The following LNPK variants were observed in gnomAD, a reference collection of about 807,000 sequenced individuals.
LNPK encodes the protein lunapark, ER junction formation factor.
A neutral mutation model predicts 55.2 loss-of-function variants in LNPK; 29 were observed. The observed-to-expected ratio is 0.53, with a 90% CI of 0.39 to 0.72. The LOEUF (loss-of-function observed/expected upper bound fraction) is 0.72. Among genes scored for constraint, LNPK ranks in the 30% least tolerant of loss-of-function variants. The pLI, the probability that LNPK is intolerant of heterozygous loss-of-function variation, is 0.00. For missense variants in LNPK, 467 were observed against 494.8 expected, an observed-to-expected ratio of 0.94 and a Z score of 0.53; for synonymous variants, 162 against 168.2, an observed-to-expected ratio of 0.96 and a Z score of 0.29.
intron 11 of LNPK, chr2:175,937,884 T>C (rs1684629437): frequency 5.6e-6 from 1 of 179,366 alleles, no homozygotes. Flanking sequence ...CTTGCACATT[T>C]ACCCATGAAA....
intron 8 of LNPK, among the ~76,000 whole-genome samples, chr2:175,959,630 A>G (rs1021874381): frequency 3.9e-5 from 6 of 152,236 alleles, no homozygotes; most frequent in African/African-American, 1.4e-4. Context: ...AAGACTATTG[A>G]TGTTTGGAAG....
chr2:175,964,599 A>C lies in LNPK; in HGVS notation c.358-10T>G. ...CCATGACTTCTTCAAGCTACGAACA[A>C]AAATTTCCATAAATTGTCACACTTC... is the stretch of plus-strand genomic sequence containing the variant. On this transcript the variant is annotated splice_polypyrimidine_tract_variant and intron_variant, in intron 6 of 12. Coordinates refer to ENST00000272748, the MANE Select transcript of LNPK (RefSeq NM_030650.3). 6.6e-7 allele frequency: 1 copy of C among 1,512,826 alleles called. No homozygotes were observed. The highest frequency in any genetic ancestry group is 9.2e-7 in the Non-Finnish European group (1 of 1,090,152). The allele number at this position is 1,512,826 out of a possible 1,614,324, so 93.7% of individuals were successfully genotyped here.
chr2:175,963,700 TAATA>T (rs916333963), intron 8 of LNPK, among the ~76,000 whole-genome samples: 14 of 151,816 alleles, frequency 9.2e-5, no homozygotes, highest in African/African-American at 1.2e-4. Flanking sequence ...ACTTAAAATA[TAATA>T]AATAAATTAA....
intron 4 of LNPK, among the ~76,000 whole-genome samples, chr2:175,984,860 G>A (rs1347755809): frequency 2.0e-5 from 3 of 152,116 alleles, no homozygotes; most frequent in Non-Finnish European, 2.9e-5. Context: ...TGCACTCTTG[G>A]GCATACACCC....
chr2:175,936,316 A>G (rs542022112), intron 12 of LNPK, among the ~76,000 whole-genome samples: 1 of 152,184 alleles, frequency 6.6e-6, no homozygotes, highest in Admixed American at 6.5e-5. Context: ...TTAAAAAAAA[A>G]TATCGATACT....
At chr2:175,948,357 C>G (rs1226720081) in intron 8 of LNPK, among the ~76,000 whole-genome samples, 1 of 152,208 alleles carries the variant, frequency 6.6e-6, no homozygotes, top group Admixed American at 6.5e-5. Context: ...CAAATTCAGG[C>G]TGCCGCCTGC....
chr2:176,001,024 T>C (rs909969238), intron 1 of LNPK, among the ~76,000 whole-genome samples: 3 of 152,196 alleles, frequency 2.0e-5, no homozygotes, highest in African/African-American at 7.2e-5. Flanking sequence ...TCTCCTTTTC[T>C]TGTATTTTCT....
Position 175,932,453 on chromosome 2 carries a change from A to AAATGGG in LNPK, c.1055-2260_1055-2255dup, listed in dbSNP as rs1291209769. 9.5e-4 allele frequency among the ~76,000 whole-genome samples: 145 copies of AAATGGG among 152,294 alleles called. 1 individual carries two copies. The Middle Eastern group carries it at 0.014, about 14-fold the overall frequency. ...TATGTGGAAGACTACAAAATTGGTG[A>AAATGGG]AATGGGTGGAAATTGAAAATAATCA... On this transcript the variant is annotated intron_variant, in intron 12 of 12. Coordinates refer to ENST00000272748, the MANE Select transcript of LNPK (RefSeq NM_030650.3).
intron 8 of LNPK, among the ~76,000 whole-genome samples, chr2:175,949,190 G>T (rs1201757579): frequency 6.6e-6 from 1 of 151,946 alleles, no homozygotes; most frequent in Admixed American, 6.6e-5. Flanking sequence ...TTATATAAAT[G>T]GAACCATCTT....
intron 8 of LNPK, among the ~76,000 whole-genome samples, chr2:175,951,584 CATATATATATATATATAT>C (rs56037027): frequency 2.2e-5 from 2 of 90,732 alleles, no homozygotes; most frequent in African/African-American, 9.2e-5. Context: ...TTCCATCATT[CATATATATATATATATAT>C]ATATATATCT....
intron 5 of LNPK, among the ~76,000 whole-genome samples, chr2:175,977,229 T>C (rs554234628): frequency 6.6e-6 from 1 of 152,298 alleles, no homozygotes; most frequent in East Asian, 1.9e-4. Flanking sequence ...GTGAATAAAA[T>C]CACCTAGAGA....
At position 175,939,056 on chromosome 2, in the gene LNPK, T is replaced by C. The variant is rs112264099; in HGVS notation, c.812+496A>G. ...TATTAATTAGGAGCGCTGTCAAACA[T>C]CTATTATCCGATGAATTTTTTAAAA... On this transcript the variant is annotated intron_variant, in intron 10 of 12. Coordinates refer to ENST00000272748, the MANE Select transcript of LNPK (RefSeq NM_030650.3). 5.5e-3 allele frequency among the ~76,000 whole-genome samples: 844 copies of C among 152,232 alleles called. 7 individuals are homozygous for C. The highest frequency in any genetic ancestry group is 0.019 in the African/African-American group (807 of 41,558).
At chr2:175,968,188 T>G (rs1478330766) in intron 6 of LNPK, among the ~76,000 whole-genome samples, 1 of 152,212 alleles carries the variant, frequency 6.6e-6, no homozygotes, top group Non-Finnish European at 1.5e-5. Flanking sequence ...TGCTCTTGCC[T>G]TCAGCTGACA....
At chr2:175,985,822 C>T (rs189897196) in intron 4 of LNPK, among the ~76,000 whole-genome samples, 43 of 152,276 alleles carry the variant, frequency 2.8e-4, no homozygotes, top group Non-Finnish European at 4.7e-4. Flanking sequence ...AATGTAGTCT[C>T]TCTCGAAAAA....
chr2:175,963,955 TTATTC>T lies in LNPK; in HGVS notation c.493+412_493+416del, dbSNP rs1409597558. Among the ~76,000 whole-genome samples, 27 of 152,154 alleles carry T rather than the reference TTATTC, an allele frequency of 1.8e-4. No individual in the cohort carries two copies. In the East Asian group the frequency reaches 4.6e-3, roughly 26 times the overall value. On this transcript the variant is annotated intron_variant, in intron 8 of 12. Coordinates refer to ENST00000272748, the MANE Select transcript of LNPK (RefSeq NM_030650.3). Reference sequence around the variant, plus strand: ...TCATTTTTCTTATTTCTAAATTATTTTATTCTAAAGTGTTATTTTAGAAAAAACAA... The same window carrying T: ...TCATTTTTCTTATTTCTAAATTATTTTAAAGTGTTATTTTAGAAAAAACAA...
At chr2:175,978,836 C>T (rs1057310870) in intron 5 of LNPK, among the ~76,000 whole-genome samples, 5 of 151,976 alleles carry the variant, frequency 3.3e-5, no homozygotes, top group Non-Finnish European at 5.9e-5. Flanking sequence ...TAGGCTTTGA[C>T]AGATAAGTAG....
At chr2:175,963,042 A>G (rs573080090) in intron 8 of LNPK, among the ~76,000 whole-genome samples, 25 of 148,294 alleles carry the variant, frequency 1.7e-4, no homozygotes, top group Non-Finnish European at 3.1e-4. Flanking sequence ...AATCATTAAA[A>G]AGTCAGGAAA....
At position 175,937,464 on chromosome 2, in the gene LNPK, G is replaced by A; in HGVS notation, c.934C>T (p.Pro312Ser). 2 of 1,613,488 alleles carry A rather than the reference G, an allele frequency of 1.2e-6. No individual in the cohort carries two copies. Among genetic ancestry groups the A allele is most frequent in the Non-Finnish European group, 1.7e-6 (2 of 1,179,590 alleles). The change falls in exon 12 of 13, where the codon CCT (proline) becomes TCT (serine). Residue 312 changes from proline to serine, a missense_variant. Coordinates refer to ENST00000272748, the MANE Select transcript of LNPK (RefSeq NM_030650.3). ...FFLNPARKTR[P>S]QAPRLPEFSF... ...AACTCAGGAAGTCTTGGAGCCTGAG[G>A]TCTGGTTTTTCTTGCAGGGTTCAAG...
intron 5 of LNPK, 147 bp from the exon 6 acceptor site, chr2:175,970,951 C>G (rs1686630919): frequency 2.6e-5 from 15 of 587,460 alleles, no homozygotes; most frequent in South Asian, 2.3e-4. Flanking sequence ...AAAATTATCT[C>G]CATCTTCACC....
Sources: gnomAD v4.1 joint callset for allele counts (sites outside exome capture counted in the v4.1 genomes callset) on GRCh38, gnomAD v4.1.1 for gene constraint, MANE v1.5 for transcripts, NCBI Gene and HGNC (gene_info 2026-07-23, HGNC 2026-07-21) for gene names.